COL6A6: variants seen among roughly 807,000 people sequenced by gnomAD.
The protein encoded by COL6A6 is collagen type VI alpha 6 chain.
Under a neutral mutation model 208.6 loss-of-function variants are expected in COL6A6, and 183 were observed. That is an observed-to-expected ratio of 0.88 (90% CI 0.78 to 0.99). COL6A6 has a LOEUF of 0.99. Ranked by LOEUF, COL6A6 falls within the 50% of genes least tolerant of loss-of-function variation. COL6A6 has a pLI of 0.00. For synonymous variants in COL6A6, 973 were observed against 1,011.8 expected (o/e 0.96, Z 0.73); for missense variants, 2,816 against 2,815.2 (o/e 1.00, Z -0.01).
intron 23 of COL6A6, among the ~76,000 whole-genome samples, chr3:130,620,364 A>G (rs528752645): frequency 6.6e-6 from 1 of 152,344 alleles, no homozygotes; most frequent in South Asian, 2.1e-4. Context: ...TCAAAGGTTC[A>G]TGAGAGGAGC....
chr3:130,563,321 GATA>G lies in COL6A6; in HGVS notation c.319_321del (p.Ile107del). ...TTGGATTCATTGGCGGGTCCCTGCA[GATA>G]GGAAAGGCTCTTCAGGAGGCTCACA... On this transcript the variant is annotated inframe_deletion, in exon 3 of 37. Coordinates refer to ENST00000358511, the MANE Select transcript of COL6A6 (RefSeq NM_001102608.3). 6.2e-7 allele frequency: 1 copy of G among 1,613,986 alleles called. No individual in the cohort carries two copies. Among genetic ancestry groups the G allele is most frequent in the African/African-American group, 1.3e-5 (1 of 75,044 alleles).
intron 1 of COL6A6, among the ~76,000 whole-genome samples, chr3:130,545,741 G>A (rs552729235): frequency 1.3e-5 from 2 of 152,336 alleles, no homozygotes; most frequent in Admixed American, 1.3e-4. Flanking sequence ...ACAGGCGTGA[G>A]CCACTGTGCC....
chr3:130,649,111 C>T lies in COL6A6; in HGVS notation c.5282C>T (p.Ala1761Val). 2 of 1,576,292 alleles carry T rather than the reference C, an allele frequency of 1.3e-6. No individual in the cohort carries two copies. The highest frequency in any genetic ancestry group is 1.7e-6 in the Non-Finnish European group (2 of 1,160,530). The change falls in exon 33 of 37, where the codon GCC (alanine) becomes GTC (valine). Residue 1761 changes from alanine to valine, a missense_variant. By Grantham distance (64) the Ala-to-Val change is moderately conservative. Transcript: ENST00000358511. ...CPVHPTELVF[A>V]LDHSRDVTEQ... ...GTGCACCCAACCGAGTTGGTGTTTGCCCTGGACCACTCCCGGGATGTCACT... is the reference window on the plus strand; with the variant it reads ...GTGCACCCAACCGAGTTGGTGTTTGTCCTGGACCACTCCCGGGATGTCACT...
intron 1 of COL6A6, among the ~76,000 whole-genome samples, chr3:130,522,220 A>ATTGGTGTC (rs572010976): frequency 4.6e-4 from 70 of 152,294 alleles, no homozygotes; most frequent in Admixed American, 2.1e-3. Context: ...ATACTGTTTC[A>ATTGGTGTC]TTGGTGTCTT....
rs750571270 is a variant in COL6A6, at chr3:130,560,428, G to A, written c.64G>A (p.Gly22Ser). The A allele has an allele frequency of 2.1e-5, 33 of 1,606,642 alleles. No individual in the cohort carries two copies. The highest frequency in any genetic ancestry group is 2.4e-5 in the Non-Finnish European group (28 of 1,176,012). ...CCATATTTCTGTGAACCAAGATTCC[G>A]GTAAGGAAAAACTGGAAAGAATTCT... ...CSHISVNQDS[G>S]PEYADVVFLV... The change falls in exon 2 of 37, where the codon GGC (glycine) becomes AGC (serine). Residue 22 changes from glycine (G) to serine (S), a missense_variant and splice_region_variant. Transcript: ENST00000358511.
At chr3:130,636,271 T>C (rs1375814538) in intron 28 of COL6A6, among the ~76,000 whole-genome samples, 3 of 152,198 alleles carry the variant, frequency 2.0e-5, no homozygotes, top group African/African-American at 7.2e-5. Flanking sequence ...CTTTATTCTG[T>C]AGAGGTTCTT....
intron 12 of COL6A6, among the ~76,000 whole-genome samples, chr3:130,590,475 G>A (rs1432789321): frequency 0.013 from 754 of 56,486 alleles, 22 homozygotes; most frequent in African/African-American, 0.05. Flanking sequence ...CCCACCCCAC[G>A]ACAGGCCCCT....
At chr3:130,620,839 A>C (rs189146531) in intron 23 of COL6A6, among the ~76,000 whole-genome samples, 157 of 152,360 alleles carry the variant, frequency 1.0e-3, no homozygotes, top group African/African-American at 3.6e-3. Flanking sequence ...AAATTACAAC[A>C]ACCATGACGA....
intron 23 of COL6A6, among the ~76,000 whole-genome samples, chr3:130,619,500 A>G (rs2064641894): frequency 6.6e-6 from 1 of 152,226 alleles, no homozygotes; most frequent in Non-Finnish European, 1.5e-5. Flanking sequence ...ATTTTGAGGG[A>G]TTTTGCATAT....
At chr3:130,659,711 A>G (rs1050034143) in intron 34 of COL6A6, among the ~76,000 whole-genome samples, 3 of 152,222 alleles carry the variant, frequency 2.0e-5, no homozygotes, top group African/African-American at 7.2e-5. Flanking sequence ...TATGAAAAAC[A>G]GGTCTCATTC....
chr3:130,618,280 G>A (rs2064597154), intron 23 of COL6A6, among the ~76,000 whole-genome samples: 1 of 152,180 alleles, frequency 6.6e-6, no homozygotes, highest in South Asian at 2.1e-4. Flanking sequence ...CAATTTGGAT[G>A]TAAATGCCTT....
At chr3:130,603,595 G>A (rs2064091148) in intron 20 of COL6A6, among the ~76,000 whole-genome samples, 1 of 152,170 alleles carries the variant, frequency 6.6e-6, no homozygotes, top group Non-Finnish European at 1.5e-5. Context: ...ACAGATTCTT[G>A]TGCCAAGGAT....
At chr3:130,658,817 A>G in intron 34 of COL6A6, 45 bp downstream of exon 34, 2 of 1,381,484 alleles carry the variant, frequency 1.4e-6, no homozygotes, top group Non-Finnish European at 2.0e-6. Flanking sequence ...CCTATTAAGC[A>G]TGATGAGTCA....
intron 23 of COL6A6, among the ~76,000 whole-genome samples, chr3:130,618,265 C>T (rs2064596465): frequency 6.6e-6 from 1 of 152,194 alleles, no homozygotes; most frequent in Admixed American, 6.5e-5. Flanking sequence ...CTCTTATTAA[C>T]TGAGCAATTT....
chr3:130,560,698 A>T (rs1404581708), intron 2 of COL6A6, among the ~76,000 whole-genome samples: 2 of 152,226 alleles, frequency 1.3e-5, no homozygotes, highest in African/African-American at 2.4e-5. Context: ...GGGAGGTTGC[A>T]TAAAAATTCT....
chr3:130,674,246 A>T (rs1358536050), intron 36 of COL6A6, among the ~76,000 whole-genome samples: 1 of 152,202 alleles, frequency 6.6e-6, no homozygotes, highest in African/African-American at 2.4e-5. Flanking sequence ...ATTAAATTTC[A>T]GTTCCTCAGT....
chr3:130,521,947 C>A (rs1214033018), intron 1 of COL6A6, among the ~76,000 whole-genome samples: 1 of 152,166 alleles, frequency 6.6e-6, no homozygotes, highest in African/African-American at 2.4e-5. Flanking sequence ...CCTTCTCTGT[C>A]TCACTTCTCC....
At chr3:130,526,027 G>C (rs1450710163) in intron 1 of COL6A6, among the ~76,000 whole-genome samples, 1 of 151,682 alleles carries the variant, frequency 6.6e-6, no homozygotes, top group South Asian at 2.1e-4. Context: ...CCTATTCTAG[G>C]TGCTGGAAAA....
intron 33 of COL6A6, among the ~76,000 whole-genome samples, chr3:130,655,050 T>C (rs993822864): frequency 3.9e-5 from 6 of 152,136 alleles, no homozygotes; most frequent in African/African-American, 1.4e-4. Flanking sequence ...GGGCCAATCA[T>C]AGGTTCTACA....
Sources: gnomAD v4.1 joint callset for allele counts (sites outside exome capture counted in the v4.1 genomes callset) on GRCh38, gnomAD v4.1.1 for gene constraint, MANE v1.5 for transcripts, NCBI Gene and HGNC (gene_info 2026-07-23, HGNC 2026-07-21) for gene names.